Variants in RERE observed in about 807,000 individuals in gnomAD.
The protein encoded by RERE is arginine-glutamic acid dipeptide repeats protein.
RERE carries 40 observed loss-of-function variants against 146.1 expected under a neutral mutation model. That is an observed-to-expected ratio of 0.27 (90% CI 0.21 to 0.36). The LOEUF (loss-of-function observed/expected upper bound fraction) is 0.36. Ranked by LOEUF, RERE falls within the 10% of genes least tolerant of loss-of-function variation. RERE has a pLI of 1.00. For synonymous variants in RERE, 1,003 were observed against 866.0 expected, an observed-to-expected ratio of 1.16 and a Z score of -2.78; for missense variants, 1,933 against 2,138.7, an observed-to-expected ratio of 0.90 and a Z score of 1.90.
At chr1:8,699,249 AAAAC>A (rs1639397292) in intron 1 of RERE, among the ~76,000 whole-genome samples, 1 of 152,220 alleles carries the variant, frequency 6.6e-6, no homozygotes, top group African/African-American at 2.4e-5. Context: ...CTGGTATGAG[AAAAC>A]AGTCACAGAG....
At chr1:8,380,732 A>G in intron 12 of RERE, 1 of 402,836 alleles carries the variant, frequency 2.5e-6, no homozygotes. Flanking sequence ...CTCAGCAATG[A>G]AGGAGAACAG....
intron 7 of RERE, among the ~76,000 whole-genome samples, chr1:8,509,247 C>G (rs1645296982): frequency 1.3e-5 from 2 of 152,106 alleles, no homozygotes; most frequent in African/African-American, 4.8e-5. Context: ...ACACCTGGCC[C>G]CTATACCATC....
intron 1 of RERE, chr1:8,792,440 T>C (rs1302761292): frequency 6.6e-6 from 1 of 152,216 alleles, no homozygotes; most frequent in Non-Finnish European, 1.5e-5. Flanking sequence ...AGGTCTTCCA[T>C]CCAGAATTAT....
chr1:8,731,642 T>A (rs779824818), intron 1 of RERE, among the ~76,000 whole-genome samples: 49 of 151,182 alleles, frequency 3.2e-4, no homozygotes, highest in Non-Finnish European at 5.3e-4. Context: ...AGACTCTATT[T>A]AAGAAGGAGT....
chr1:8,761,778 C>T lies in RERE; in HGVS notation c.-145+55382G>A, dbSNP rs1235604990. Among the ~76,000 whole-genome samples, 3 of 151,936 alleles carry T rather than the reference C, an allele frequency of 2.0e-5. No homozygotes were observed. The East Asian group carries it at 5.8e-4, about 29-fold the overall frequency. ...TCTACTAAAAATACAAAAAAATAGT[C>T]GGGCGTGGTGGTGCATGCCTGTAAT... On this transcript the variant is annotated intron_variant, in intron 1 of 22. Transcript: ENST00000400908.
At chr1:8,422,450 C>T (rs919291927) in intron 12 of RERE, among the ~76,000 whole-genome samples, 1 of 152,196 alleles carries the variant, frequency 6.6e-6, no homozygotes, top group Non-Finnish European at 1.5e-5. Context: ...ATCCTTCCCC[C>T]ACAACTAACC....
chr1:8,768,878 C>T (rs1368728904), intron 1 of RERE, among the ~76,000 whole-genome samples: 2 of 152,140 alleles, frequency 1.3e-5, no homozygotes, highest in Non-Finnish European at 1.5e-5. Context: ...CAAGAGAAAC[C>T]GTGTACTTAG....
chr1:8,423,470 A>G lies in RERE; in HGVS notation c.1204-663T>C, dbSNP rs1643946296. The G allele has an allele frequency of 1.1e-6, 1 of 909,812 alleles. No homozygotes were observed. Among genetic ancestry groups the G allele is most frequent in the Non-Finnish European group, 1.3e-6 (1 of 761,336 alleles). The allele number at this position is 909,812 out of a possible 1,614,324, so 56.4% of individuals were successfully genotyped here. On this transcript the variant is annotated intron_variant, in intron 11 of 22. Transcript: ENST00000400908. The surrounding 1 kb of genome is among the most constrained non-coding windows in gnomAD (Gnocchi z 5.4). ...CCATTTTCGCAGCAGACTCGTCCCT[A>G]ACCCCAGCCCGGAGACTTTCACTTT...
intron 1 of RERE, among the ~76,000 whole-genome samples, chr1:8,780,675 A>G (rs561242703): frequency 6.6e-6 from 1 of 152,340 alleles, no homozygotes; most frequent in Admixed American, 6.5e-5. Flanking sequence ...ACTATCACAC[A>G]ATGGAACAGG....
intron 1 of RERE, among the ~76,000 whole-genome samples, chr1:8,686,687 T>C (rs1249697804): frequency 1.3e-5 from 2 of 151,816 alleles, no homozygotes; most frequent in African/African-American, 4.8e-5. Flanking sequence ...GAGGTGGCGG[T>C]TGCAGTAAAC....
intron 7 of RERE, among the ~76,000 whole-genome samples, chr1:8,532,461 C>A (rs1384600244): frequency 6.6e-6 from 1 of 151,976 alleles, no homozygotes; most frequent in Non-Finnish European, 1.5e-5. Flanking sequence ...TCACTTGTTA[C>A]CCAGGCTGGA....
chr1:8,571,885 G>T (rs943424062), intron 4 of RERE, among the ~76,000 whole-genome samples: 1 of 148,212 alleles, frequency 6.7e-6, no homozygotes. Context: ...CTGGGAAAAT[G>T]CTGCTTTAAA....
chr1:8,357,237 G>C (rs1490514150), intron 20 of RERE, among the ~76,000 whole-genome samples: 1 of 152,254 alleles, frequency 6.6e-6, no homozygotes, highest in Non-Finnish European at 1.5e-5. Flanking sequence ...CTTGCTGAAT[G>C]AATGATGCAT....
chr1:8,399,610 T>C (rs1037212903), intron 12 of RERE, among the ~76,000 whole-genome samples: 10 of 152,166 alleles, frequency 6.6e-5, no homozygotes, highest in Non-Finnish European at 1.5e-4. Context: ...TTCTTGGACC[T>C]TTATTCTACC....
intron 1 of RERE, among the ~76,000 whole-genome samples, chr1:8,721,346 C>G (rs1340872495): frequency 6.6e-6 from 1 of 152,144 alleles, no homozygotes; most frequent in Non-Finnish European, 1.5e-5. Context: ...GAGTCTCGCT[C>G]TGTTGCCCAG....
intron 10 of RERE, among the ~76,000 whole-genome samples, chr1:8,488,326 ACCTCCG>A (rs1233063521): frequency 6.6e-6 from 1 of 151,824 alleles, no homozygotes; most frequent in East Asian, 1.9e-4. Context: ...GCTGACTGTA[ACCTCCG>A]CCTCCCGGGT....
chr1:8,736,364 G>A (rs1255159195), intron 1 of RERE, among the ~76,000 whole-genome samples: 4 of 152,108 alleles, frequency 2.6e-5, no homozygotes, highest in Admixed American at 2.6e-4. Flanking sequence ...CCGCCACCAC[G>A]CCTGGCTAAT....
chr1:8,816,644 A>G (rs1355068709), intron 1 of RERE, among the ~76,000 whole-genome samples: 1 of 152,176 alleles, frequency 6.6e-6, no homozygotes, highest in Non-Finnish European at 1.5e-5. Context: ...CTAAAACAGG[A>G]TAGTAAGAAT....
intron 1 of RERE, among the ~76,000 whole-genome samples, chr1:8,761,896 TG>T (rs200113877): frequency 0.018 from 2,732 of 152,108 alleles, 98 homozygotes; most frequent in African/African-American, 0.064. Flanking sequence ...CACTCCAGAC[TG>T]GGCAACAAGA....
Sources: allele counts gnomAD v4.1 joint callset (sites outside exome capture counted in the v4.1 genomes callset), GRCh38; gene constraint gnomAD v4.1.1; non-coding constraint Gnocchi (gnomAD v3.1); transcripts MANE v1.5; gene names NCBI Gene and HGNC (gene_info 2026-07-23, HGNC 2026-07-21).